Variants in GPR143 observed in about 807,000 individuals in gnomAD.
The protein encoded by GPR143 is G-protein coupled receptor 143.
A neutral mutation model predicts 27.6 loss-of-function variants in GPR143; 8 were observed. The observed-to-expected ratio is 0.29, with a 90% CI of 0.17 to 0.52. GPR143 has a LOEUF of 0.52. Among genes scored for constraint, GPR143 ranks in the 20% least tolerant of loss-of-function variants. GPR143 has a pLI of 0.96. For synonymous variants in GPR143, 156 were observed against 153.2 expected (o/e 1.02, Z -0.13); for missense variants, 303 against 343.1 (o/e 0.88, Z 0.92).
chrX:9,778,546 T>A (rs1437481197), intron 1 of GPR143, among the ~76,000 whole-genome samples: 1 of 109,441 alleles, frequency 9.1e-6, no homozygotes, highest in African/African-American at 3.3e-5. Context: ...CAGATTAAGG[T>A]AGTGTGGCCC....
chrX:9,742,089 C>T (rs374643210), intron 6 of GPR143, among the ~76,000 whole-genome samples: 5 of 112,077 alleles, frequency 4.5e-5, no homozygotes, highest in African/African-American at 9.7e-5. Context: ...TGAAGAGCAA[C>T]GTACAGTTTT....
intron 8 of GPR143, among the ~76,000 whole-genome samples, chrX:9,730,907 C>T (rs2083350472): frequency 9.0e-6 from 1 of 111,320 alleles, no homozygotes; most frequent in South Asian, 3.8e-4. Context: ...ATCTCTACAG[C>T]TTACTTGTGG....
At chrX:9,774,611 T>C (rs145315036) in intron 1 of GPR143, among the ~76,000 whole-genome samples, 3,057 of 98,056 alleles carry the variant, frequency 0.031, 102 homozygotes, top group African/African-American at 0.11. Context: ...GAAGGAAATC[T>C]TTAATGGACG....
intron 3 of GPR143, among the ~76,000 whole-genome samples, chrX:9,752,679 A>C (rs1363166075): frequency 2.7e-5 from 3 of 111,177 alleles, no homozygotes; most frequent in African/African-American, 9.8e-5. Flanking sequence ...AAAGGCCACA[A>C]GTCAAAGAAT....
chrX:9,748,578 A>C lies in GPR143; in HGVS notation c.544T>G (p.Ser182Ala). 8.4e-7 allele frequency: 1 copy of C among 1,192,221 alleles called. No individual in the cohort carries two copies. Among genetic ancestry groups the C allele is most frequent in the Non-Finnish European group, 1.1e-6 (1 of 877,461 alleles). ...GGCGCTGGAGTCCCAACTTACCTGG[A>C]CACGGAAGGGTAGTAGAGCATGGCG... is the stretch of plus-strand genomic sequence containing the variant. Reference protein sequence around the residue: ...GAAMLYYPSVSRCERGLDHAI... With the variant: ...GAAMLYYPSVARCERGLDHAI... The change falls in exon 4 of 9, where the codon TCC (serine) becomes GCC (alanine). Residue 182 changes from serine (S) to alanine (A), a missense_variant. Ser to Ala is a moderately conservative substitution (Grantham distance 99, BLOSUM62 1). Transcript: ENST00000467482.
chrX:9,776,622 C>T (rs777454992), intron 1 of GPR143, among the ~76,000 whole-genome samples: 8 of 105,583 alleles, frequency 7.6e-5, no homozygotes, highest in Non-Finnish European at 1.5e-4. Context: ...CTCCTGGCCT[C>T]GAGTGATCCT....
At position 9,759,345 on chromosome X, in the gene GPR143, A is replaced by G; in HGVS notation, c.442T>C (p.Ser148Pro). 2 of 1,180,458 alleles carry G rather than the reference A, an allele frequency of 1.7e-6. No homozygotes were observed. Among genetic ancestry groups the G allele is most frequent in the South Asian group, 1.8e-5 (1 of 54,771 alleles). The change falls in exon 3 of 9, where the codon TCG becomes CCG. Residue 148 changes from serine to proline, a missense_variant. Coordinates refer to ENST00000467482, the MANE Select transcript of GPR143 (RefSeq NM_000273.3). ...AVDAYLVIRR[S>P]AGLSTILLYH... is the part of the protein sequence containing the mutation. ...CTCGGTGAATACCTCAGTCCTGCCG[A>G]TCTCCGGATCACCAGATAAGCATCC...
At position 9,725,662 on chromosome X, in the gene GPR143, G is replaced by T; in HGVS notation, c.*84C>A. On this transcript the variant is annotated 3_prime_UTR_variant, in exon 9 of 9. Transcript: ENST00000467482. ...GGCCGCTACACTTCGGCAGTGCAGTGTTGGGAAGGTGAGAACACAGTTCTA... is the reference window on the plus strand; with the variant it reads ...GGCCGCTACACTTCGGCAGTGCAGTTTTGGGAAGGTGAGAACACAGTTCTA... 1 of 735,631 alleles carries T rather than the reference G, an allele frequency of 1.4e-6. No individual in the cohort carries two copies. The highest frequency in any genetic ancestry group is 2.1e-6 in the Non-Finnish European group (1 of 474,247). 60.6% of individuals were successfully genotyped at this position (735,631 alleles called of 1,213,427 possible).
At chrX:9,769,423 A>G (rs1395882735), upstream of GPR143, among the ~76,000 whole-genome samples, 7 of 111,699 alleles carry the variant, frequency 6.3e-5, no homozygotes, top group African/African-American at 2.3e-4. Flanking sequence ...GAGTCCCCTG[A>G]CATCGAGATG....
chrX:9,732,278 G>A (rs2083357844), intron 8 of GPR143, among the ~76,000 whole-genome samples: 1 of 111,440 alleles, frequency 9.0e-6, no homozygotes, highest in South Asian at 3.7e-4. Context: ...TTGTGTGAAG[G>A]ACAGGAACTG....
chrX:9,753,524 C>T (rs893933015), intron 3 of GPR143, among the ~76,000 whole-genome samples: 25 of 110,372 alleles, frequency 2.3e-4, no homozygotes, highest in African/African-American at 8.2e-4. Context: ...GGAGGAGGAG[C>T]TGTGCTTGGG....
At chrX:9,747,805 G>A (rs1289742661) in intron 4 of GPR143, 1 of 112,403 alleles carries the variant, frequency 8.9e-6, no homozygotes, top group Non-Finnish European at 1.9e-5. Flanking sequence ...CAGTCAGACA[G>A]TACATAAAGA....
At chrX:9,755,346 C>T (rs1361535706) in intron 3 of GPR143, among the ~76,000 whole-genome samples, 4 of 111,337 alleles carry the variant, frequency 3.6e-5, no homozygotes, top group Admixed American at 9.5e-5. Context: ...TGAACCCAGG[C>T]GGTGCAGGTT....
At chrX:9,778,522 G>C (rs2083578218) in intron 1 of GPR143, among the ~76,000 whole-genome samples, 2 of 109,778 alleles carry the variant, frequency 1.8e-5, no homozygotes, top group Non-Finnish European at 3.8e-5. Flanking sequence ...GTGTACATTG[G>C]CACTGAGTAA....
At position 9,746,102 on chromosome X, in the gene GPR143, C is replaced by T. The variant is rs759105932; in HGVS notation, c.600G>A (p.Leu200=). 8 of 1,203,196 alleles carry T rather than the reference C, an allele frequency of 6.6e-6. No homozygotes were observed. In the East Asian group the frequency reaches 1.8e-4, roughly 27 times the overall value. The part of the protein sequence containing the change: ...HAIPHYVTMY[L]PLLLVLVANP... Reference sequence around the variant, plus strand: ...TCGCCACGAGAACCAGCAGCAGGGGCAGGTACATGGTGACATAGTGGGGGA... The same window carrying T: ...TCGCCACGAGAACCAGCAGCAGGGGTAGGTACATGGTGACATAGTGGGGGA... The change falls in exon 5 of 9, where the codon CTG becomes CTA. Residue 200 remains leucine, a synonymous_variant. Transcript: ENST00000467482.
chrX:9,759,411 A>C lies in GPR143; in HGVS notation c.376T>G (p.Leu126Val), dbSNP rs1469700596. The C allele has an allele frequency of 8.4e-7, 1 of 1,186,464 alleles. No homozygotes were observed. Among genetic ancestry groups the C allele is most frequent in the Non-Finnish European group, 1.1e-6 (1 of 877,255 alleles). ...AGCCACCAGAAGCAGGCACTGTACA[A>C]CAGCTGGATCCACATCTGCAATCGG... ...CVGSAMWIQL[L>V]YSACFWWLFC... Residue 126 changes from leucine (L) to valine (V), a missense_variant, in exon 3 of 9, where the codon TTG (leucine) becomes GTG (valine). Leu to Val is a conservative substitution (Grantham distance 32). Transcript: ENST00000467482.
chrX:9,771,711 C>CTTTTT (rs58257808), intron 1 of GPR143, among the ~76,000 whole-genome samples: 1 of 94,626 alleles, frequency 1.1e-5, no homozygotes, highest in Admixed American at 1.3e-4. Context: ...CATTCTCTCT[C>CTTTTT]TTTTTTTTTT....
chrX:9,736,191 C>G (rs991147759), intron 8 of GPR143, among the ~76,000 whole-genome samples: 13 of 111,109 alleles, frequency 1.2e-4, no homozygotes, highest in Non-Finnish European at 2.5e-4. Flanking sequence ...TAGAAGGGAT[C>G]CTAAAATTGT....
chrX:9,735,143 C>A (rs1291126161), intron 8 of GPR143, among the ~76,000 whole-genome samples: 2 of 112,485 alleles, frequency 1.8e-5, no homozygotes, highest in Admixed American at 1.9e-4. Context: ...AAACTGCTGC[C>A]ACAATCACAA....
Sources: gnomAD v4.1 joint callset for allele counts (sites outside exome capture counted in the v4.1 genomes callset) on GRCh38, gnomAD v4.1.1 for gene constraint, MANE v1.5 for transcripts, NCBI Gene and HGNC (gene_info 2026-07-23, HGNC 2026-07-21) for gene names.